HYDIN: variants seen among roughly 807,000 people sequenced by gnomAD.
HYDIN encodes axonemal central pair apparatus protein HYDIN.
A neutral mutation model predicts 403.9 loss-of-function variants in HYDIN; 132 were observed. That is an observed-to-expected ratio of 0.33 (90% CI 0.28 to 0.38). The LOEUF (loss-of-function observed/expected upper bound fraction) is 0.38. HYDIN is among the 10% of genes least tolerant of loss of function. The pLI is 1.00. For synonymous variants in HYDIN, 1,202 were observed against 1,891.7 expected (o/e 0.64, Z 9.46); for missense variants, 2,827 against 5,009.5 (o/e 0.56, Z 13.15).
At chr16:70,953,447 G>C (rs1424267047) in intron 40 of HYDIN, among the ~76,000 whole-genome samples, 1 of 151,996 alleles carries the variant, frequency 6.6e-6, no homozygotes, top group Non-Finnish European at 1.5e-5. Flanking sequence ...AGGGCTCTGA[G>C]GGACGTGAAA....
chr16:71,010,220 G>A (rs2080035310), intron 23 of HYDIN, among the ~76,000 whole-genome samples: 1 of 151,428 alleles, frequency 6.6e-6, no homozygotes, highest in Non-Finnish European at 1.5e-5. Flanking sequence ...CTGGCCCCAG[G>A]GCTAAATGCT....
At chr16:71,007,416 T>C (rs534528735) in intron 23 of HYDIN, among the ~76,000 whole-genome samples, 2 of 152,290 alleles carry the variant, frequency 1.3e-5, no homozygotes, top group Admixed American at 1.3e-4. Flanking sequence ...AATAGATATA[T>C]AGTAATAAGA....
intron 41 of HYDIN, among the ~76,000 whole-genome samples, chr16:70,947,208 C>T (rs1406845331): frequency 6.6e-5 from 10 of 150,416 alleles, no homozygotes; most frequent in South Asian, 6.5e-4. Flanking sequence ...TTTTGAGATA[C>T]GTCCCATCAA....
chr16:71,027,656 C>G lies in HYDIN; in HGVS notation c.2988G>C (p.Leu996=), dbSNP rs1316538098. 1 of 1,610,606 alleles carries G rather than the reference C, an allele frequency of 6.2e-7. No individual in the cohort carries two copies. Among genetic ancestry groups the G allele is most frequent in the African/African-American group, 1.3e-5 (1 of 74,586 alleles). Residue 996 remains leucine, a synonymous_variant, in exon 20 of 86, where the codon CTG becomes CTC. Coordinates refer to ENST00000393567, the MANE Select transcript of HYDIN (RefSeq NM_001270974.2). ...TCACATCAATTGCCTGGCCTGGGTA[C>G]AGCTCCATGCTGGCGGGGTGGAGAT... ...VFHLHPASME[L]YPGQAIDVIL...
intron 55 of HYDIN, among the ~76,000 whole-genome samples, chr16:70,892,922 C>T: frequency 6.6e-6 from 1 of 152,168 alleles, no homozygotes. Flanking sequence ...AGAGAGACAG[C>T]AGGGAGGGGG....
chr16:70,942,607 T>C (rs1173453962), intron 42 of HYDIN, among the ~76,000 whole-genome samples: 5 of 152,270 alleles, frequency 3.3e-5, no homozygotes, highest in South Asian at 2.1e-4. Context: ...GTGTAGCCCA[T>C]AGACTGGCCA....
intron 47 of HYDIN, among the ~76,000 whole-genome samples, chr16:70,915,204 C>T (rs982955325): frequency 1.3e-5 from 2 of 152,056 alleles, no homozygotes; most frequent in African/African-American, 4.8e-5. Flanking sequence ...TGGGGGGCTA[C>T]TAAAGGGCCT....
intron 67 of HYDIN, chr16:70,865,449 T>C (rs2143633781): frequency 2.6e-6 from 1 of 386,514 alleles, no homozygotes; most frequent in East Asian, 7.2e-5. Flanking sequence ...GCCCATGGCA[T>C]CCTTGAGTCC....
intron 30 of HYDIN, among the ~76,000 whole-genome samples, chr16:70,976,377 T>G (rs369724639): frequency 2.3e-4 from 35 of 152,122 alleles, no homozygotes; most frequent in African/African-American, 7.9e-4. Context: ...ATAGATTTTC[T>G]GGGTTGGAGG....
chr16:70,808,861 T>C (rs1170868039), intron 85 of HYDIN, among the ~76,000 whole-genome samples: 2 of 152,204 alleles, frequency 1.3e-5, no homozygotes, highest in East Asian at 3.9e-4. Flanking sequence ...CCCTCTTCCC[T>C]TGTAGCTGGC....
At chr16:71,056,157 A>C (rs1261822855) in intron 18 of HYDIN, among the ~76,000 whole-genome samples, 3 of 134,784 alleles carry the variant, frequency 2.2e-5, no homozygotes, top group African/African-American at 5.3e-5. Flanking sequence ...TTACTCCTTC[A>C]AACCAGAGGT....
At chr16:70,823,356 C>T (rs557895422) in intron 83 of HYDIN, among the ~76,000 whole-genome samples, 63 of 31,558 alleles carry the variant, frequency 2.0e-3, no homozygotes, top group East Asian at 6.5e-3. Context: ...AGAGCACATC[C>T]GTGTAAAGCT....
chr16:70,937,570 G>A (rs965839629), intron 44 of HYDIN, among the ~76,000 whole-genome samples: 3 of 141,344 alleles, frequency 2.1e-5, no homozygotes, highest in South Asian at 2.3e-4. Context: ...CAGGAGAATT[G>A]CTTGAACCCA....
intron 45 of HYDIN, among the ~76,000 whole-genome samples, chr16:70,931,896 T>A (rs2077348270): frequency 6.9e-6 from 1 of 144,278 alleles, no homozygotes; most frequent in Admixed American, 7.1e-5. Context: ...GTGCCTATAA[T>A]CCCAGCTACT....
chr16:70,808,881 G>A (rs2035274042), intron 85 of HYDIN, among the ~76,000 whole-genome samples: 1 of 152,162 alleles, frequency 6.6e-6, no homozygotes, highest in Non-Finnish European at 1.5e-5. Context: ...CTGGAATGTG[G>A]ATGTCCTGAT....
At chr16:71,145,768 A>C (rs887581142) in intron 7 of HYDIN, among the ~76,000 whole-genome samples, 1 of 152,170 alleles carries the variant, frequency 6.6e-6, no homozygotes, top group African/African-American at 2.4e-5. Flanking sequence ...GCTATAGTGA[A>C]AGAACACTGC....
intron 41 of HYDIN, among the ~76,000 whole-genome samples, chr16:70,946,858 G>A (rs963438035): frequency 5.9e-5 from 9 of 152,168 alleles, no homozygotes; most frequent in Non-Finnish European, 1.3e-4. Flanking sequence ...TCATTCAAAA[G>A]ATCAGGATTG....
intron 9 of HYDIN, 129 bp from the exon 10 acceptor site, chr16:71,115,924 T>A (rs959646636): frequency 1.7e-6 from 1 of 591,842 alleles, no homozygotes; most frequent in Admixed American, 2.9e-5. Flanking sequence ...GTATACAACA[T>A]GTTTTGATAT....
intron 13 of HYDIN, among the ~76,000 whole-genome samples, chr16:71,077,618 G>A (rs1169472359): frequency 6.6e-6 from 1 of 151,434 alleles, no homozygotes; most frequent in Non-Finnish European, 1.5e-5. Flanking sequence ...CAATGGCTTG[G>A]ACCTCCAGGA....
Sources: gnomAD v4.1 joint callset for allele counts (sites outside exome capture counted in the v4.1 genomes callset) on GRCh38, gnomAD v4.1.1 for gene constraint, MANE v1.5 for transcripts, NCBI Gene and HGNC (gene_info 2026-07-23, HGNC 2026-07-21) for gene names.